Variants in EYS observed in about 807,000 individuals in gnomAD.
EYS encodes protein eyes shut homolog.
In EYS, 250 loss-of-function variants were observed where a neutral mutation model predicts 282.1. The ratio of observed to expected loss-of-function variants is 0.89; its 90% confidence interval spans 0.80 to 0.98. The LOEUF (loss-of-function observed/expected upper bound fraction) is 0.98, where lower values mean the gene tolerates loss of function less well. Among genes scored for constraint, EYS ranks in the 50% least tolerant of loss-of-function variants. The pLI is 0.00. For synonymous variants in EYS, 1,355 were observed against 1,282.9 expected, an observed-to-expected ratio of 1.06 and a Z score of -1.20; for missense variants, 4,016 against 3,709.0, an observed-to-expected ratio of 1.08 and a Z score of -2.15.
chr6:64,672,251 A>C (rs1485475006), intron 22 of EYS, among the ~76,000 whole-genome samples: 1 of 152,222 alleles, frequency 6.6e-6, no homozygotes, highest in Non-Finnish European at 1.5e-5. Context: ...AGCGGTAATG[A>C]AACAGCAGCC....
chr6:65,257,044 G>GT (rs1195703270), intron 12 of EYS, among the ~76,000 whole-genome samples: 14 of 53,258 alleles, frequency 2.6e-4, no homozygotes, highest in African/African-American at 1.2e-3. Context: ...TTTTTCATGT[G>GT]TTTTTTGGCC....
chr6:65,666,936 A>G (rs1768220847), intron 1 of EYS, among the ~76,000 whole-genome samples: 1 of 150,998 alleles, frequency 6.6e-6, no homozygotes, highest in Admixed American at 6.6e-5. Flanking sequence ...TAGAAACGTA[A>G]ATCTACATTG....
chr6:65,256,305 C>A lies in EYS; in HGVS notation c.2023+39558G>T, dbSNP rs1241541176. Reference sequence around the variant, plus strand: ...TTTTTTTAATTAAAGTTTTAGGGTACATGTGCACATTGTGCAGGTTAGTTA... The same window carrying A: ...TTTTTTTAATTAAAGTTTTAGGGTAAATGTGCACATTGTGCAGGTTAGTTA... On this transcript the variant is annotated intron_variant, in intron 12 of 42. Coordinates refer to ENST00000503581, the MANE Select transcript of EYS (RefSeq NM_001142800.2). Among the ~76,000 whole-genome samples, 3 of 129,978 alleles carry A rather than the reference C, an allele frequency of 2.3e-5. No homozygotes were observed. The Admixed American group carries it at 2.4e-4, about 10-fold the overall frequency. The allele number at this position is 129,978 out of a possible 152,430, so 85.3% of individuals were successfully genotyped here.
At chr6:65,535,935 C>T (rs1767948573) in intron 2 of EYS, among the ~76,000 whole-genome samples, 1 of 151,902 alleles carries the variant, frequency 6.6e-6, no homozygotes, top group African/African-American at 2.4e-5. Flanking sequence ...GTGTCTAGCC[C>T]CTACCACACA....
At chr6:63,806,472 T>A in intron 36 of EYS, 100 bp from the exon 37 acceptor site, 1 of 990,682 alleles carries the variant, frequency 1.0e-6, no homozygotes, top group Admixed American at 3.0e-5. Flanking sequence ...ATAGTCTGTT[T>A]ACTATTACAT....
chr6:65,174,890 G>T (rs755918402), intron 12 of EYS, among the ~76,000 whole-genome samples: 20 of 151,094 alleles, frequency 1.3e-4, no homozygotes, highest in Admixed American at 9.9e-4. Flanking sequence ...CTGTTAAAAA[G>T]TTCAAATATT....
At chr6:64,136,093 G>T in intron 31 of EYS, among the ~76,000 whole-genome samples, 1 of 147,552 alleles carries the variant, frequency 6.8e-6, no homozygotes, top group East Asian at 2.1e-4. Context: ...ATTCATTGTT[G>T]TTATTTCAAC....
intron 18 of EYS, among the ~76,000 whole-genome samples, chr6:64,891,569 T>C (rs1178079094): frequency 6.6e-6 from 1 of 152,106 alleles, no homozygotes; most frequent in African/African-American, 2.4e-5. Context: ...TCCTGGCCTC[T>C]GGCTATAGTG....
In EYS at chr6:64,607,799, C is replaced by G. The variant is rs187279099; in HGVS notation, c.3684+9619G>C. ...AGAGTGAAAACTTTCTGACGTAGTG[C>G]TCATGGATATAGGGTTTGTATTCAC... On this transcript the variant is annotated intron_variant, in intron 24 of 42. Transcript: ENST00000503581. Among the ~76,000 whole-genome samples the G allele has an allele frequency of 1.9e-3, 292 of 152,182 alleles. 1 individual carries two copies. The highest frequency in any genetic ancestry group is 3.1e-3 in the Admixed American group (48 of 15,258).
chr6:65,517,191 A>T (rs186937276), intron 2 of EYS, among the ~76,000 whole-genome samples: 242 of 152,084 alleles, frequency 1.6e-3, no homozygotes, highest in Non-Finnish European at 2.8e-4. Flanking sequence ...CTGTATATCT[A>T]AGGATATTAT....
At chr6:64,047,932 C>T (rs1428580540) in intron 33 of EYS, among the ~76,000 whole-genome samples, 5 of 152,076 alleles carry the variant, frequency 3.3e-5, no homozygotes, top group Non-Finnish European at 7.4e-5. Flanking sequence ...TTGAGACAGA[C>T]TCTTACTCTG....
At chr6:65,250,327 G>A (rs1767289083) in intron 12 of EYS, among the ~76,000 whole-genome samples, 2 of 151,548 alleles carry the variant, frequency 1.3e-5, no homozygotes, top group Non-Finnish European at 2.9e-5. Context: ...AGTTCATTTG[G>A]CTAAAAAAAA....
At chr6:65,614,343 T>C in intron 2 of EYS, among the ~76,000 whole-genome samples, 1 of 152,070 alleles carries the variant, frequency 6.6e-6, no homozygotes, top group East Asian at 1.9e-4. Flanking sequence ...AATCTTGTTG[T>C]CTGGGGTCAA....
At chr6:65,342,193 C>T (rs2150318457) in intron 10 of EYS, among the ~76,000 whole-genome samples, 1 of 150,870 alleles carries the variant, frequency 6.6e-6, no homozygotes. Flanking sequence ...AAAAAGGACT[C>T]ATGTAATTTT....
intron 28 of EYS, among the ~76,000 whole-genome samples, chr6:64,425,966 A>G (rs1216740547): frequency 6.6e-6 from 1 of 152,150 alleles, no homozygotes; most frequent in Non-Finnish European, 1.5e-5. Context: ...TAAGATACAG[A>G]TGAGGCATAC....
At chr6:65,005,356 T>C (rs993831740) in intron 13 of EYS, among the ~76,000 whole-genome samples, 1 of 147,536 alleles carries the variant, frequency 6.8e-6, no homozygotes, top group Non-Finnish European at 1.5e-5. Flanking sequence ...CTATAACACT[T>C]ACCGCATGGC....
intron 29 of EYS, among the ~76,000 whole-genome samples, chr6:64,334,037 A>T (rs1195511699): frequency 6.6e-6 from 1 of 152,210 alleles, no homozygotes; most frequent in Non-Finnish European, 1.5e-5. Flanking sequence ...TCGCCTGACA[A>T]GGCCTTTCAG....
intron 8 of EYS, among the ~76,000 whole-genome samples, chr6:65,382,560 C>T (rs1487283128): frequency 2.0e-5 from 3 of 147,682 alleles, no homozygotes; most frequent in Non-Finnish European, 4.5e-5. Context: ...GGGGACAGAA[C>T]TAATAGGATA....
At chr6:64,200,191 T>G (rs958460173) in intron 31 of EYS, among the ~76,000 whole-genome samples, 1 of 152,130 alleles carries the variant, frequency 6.6e-6, no homozygotes, top group Non-Finnish European at 1.5e-5. Context: ...TGGGAAGATT[T>G]GAATAGGTAA....
Sources: allele counts gnomAD v4.1 joint callset (sites outside exome capture counted in the v4.1 genomes callset), GRCh38; gene constraint gnomAD v4.1.1; transcripts MANE v1.5; gene names NCBI Gene and HGNC (gene_info 2026-07-23, HGNC 2026-07-21).